DLG5: variants seen among roughly 807,000 people sequenced by gnomAD.
DLG5 encodes disks large homolog 5.
A neutral mutation model predicts 189.8 loss-of-function variants in DLG5; 48 were observed. The ratio of observed to expected loss-of-function variants is 0.25; its 90% CI spans 0.20 to 0.32. The LOEUF is 0.32. DLG5 is among the 10% of genes least tolerant of loss of function. The probability of loss-of-function intolerance (pLI) is 1.00; values close to 1 mark genes in which losing one functional copy is unlikely to be tolerated. For missense variants in DLG5, 2,160 were observed against 2,544.7 expected (o/e 0.85, Z 3.25); for synonymous variants, 1,016 against 1,054.1 (o/e 0.96, Z 0.70).
intron 22 of DLG5, among the ~76,000 whole-genome samples, chr10:77,811,497 G>T (rs1841770501): frequency 6.6e-6 from 1 of 152,060 alleles, no homozygotes; most frequent in Non-Finnish European, 1.5e-5. Context: ...CTTTTCCTCT[G>T]CCTGTGCATC....
At chr10:77,865,203 A>C (rs1171373021) in intron 2 of DLG5, among the ~76,000 whole-genome samples, 2 of 152,176 alleles carry the variant, frequency 1.3e-5, no homozygotes, top group East Asian at 3.9e-4. Flanking sequence ...GGCCGTGTTC[A>C]CCGTGATCCC....
At chr10:77,806,736 C>G in intron 26 of DLG5, 22 bp downstream of exon 26, 3 of 1,591,502 alleles carry the variant, frequency 1.9e-6, no homozygotes, top group Non-Finnish European at 2.6e-6. Context: ...CCCACCCCAC[C>G]CCAGGCCCGG....
chr10:77,819,140 T>A (rs1051588730), intron 17 of DLG5, among the ~76,000 whole-genome samples, 181 bp downstream of exon 17: 3 of 152,198 alleles, frequency 2.0e-5, no homozygotes, highest in African/African-American at 7.2e-5. Context: ...TTTGAAACCT[T>A]GTGCTGATGA....
intron 23 of DLG5, 38 bp from the exon 24 acceptor site, chr10:77,809,768 A>G: frequency 6.3e-7 from 1 of 1,583,908 alleles, no homozygotes; most frequent in Non-Finnish European, 8.6e-7. Context: ...ACTGTGCACA[A>G]AGAGGAGGCA....
Position 77,863,627 on chromosome 10 carries a change from A to G in DLG5, c.373+5502T>C, listed in dbSNP as rs537897835. Among the ~76,000 whole-genome samples, 107 of 152,340 alleles carry G rather than the reference A, an allele frequency of 7.0e-4. 1 individual carries two copies. The highest frequency in any genetic ancestry group is 1.3e-3 in the Non-Finnish European group (90 of 68,028). On this transcript the variant is annotated intron_variant, in intron 2 of 31. Coordinates refer to ENST00000372391, the MANE Select transcript of DLG5 (RefSeq NM_004747.4). ...TTCCAATGCAGTTCTAACCTTGTGC[A>G]GTTGTTCTTCTGGACTCAAATGCAA... is the stretch of plus-strand genomic sequence containing the variant.
intron 7 of DLG5, among the ~76,000 whole-genome samples, chr10:77,838,299 G>C (rs1843247955): frequency 6.6e-6 from 1 of 152,202 alleles, no homozygotes; most frequent in Admixed American, 6.5e-5. Context: ...TTCTGCAACA[G>C]ACAGCAGTGG....
intron 27 of DLG5, among the ~76,000 whole-genome samples, chr10:77,799,050 C>T (rs545260479): frequency 1.8e-4 from 28 of 152,242 alleles, no homozygotes; most frequent in African/African-American, 6.0e-4. Flanking sequence ...CTATGGGGTA[C>T]CAATTTAGGA....
At chr10:77,838,055 C>A (rs1843235800) in intron 7 of DLG5, among the ~76,000 whole-genome samples, 1 of 152,150 alleles carries the variant, frequency 6.6e-6, no homozygotes, top group South Asian at 2.1e-4. Flanking sequence ...GCTTCTCTTG[C>A]TACAACAGCC....
intron 6 of DLG5, 124 bp downstream of exon 6, chr10:77,843,323 T>A (rs1843518140): frequency 1.6e-6 from 2 of 1,264,624 alleles, no homozygotes; most frequent in Non-Finnish European, 2.2e-6. Flanking sequence ...AAAAAAATGT[T>A]TCCTGGTCAG....
At position 77,807,852 on chromosome 10, in the gene DLG5, G is replaced by A. The variant is rs1367935251; in HGVS notation, c.4740C>T (p.Tyr1580=). The A allele has an allele frequency of 1.3e-5, 21 of 1,614,096 alleles. No individual in the cohort carries two copies. Among genetic ancestry groups the A allele is most frequent in the Non-Finnish European group, 1.8e-5 (21 of 1,180,044 alleles). Residue 1580 remains tyrosine, a synonymous_variant, in exon 25 of 32, where the codon TAC becomes TAT. Coordinates refer to ENST00000372391, the MANE Select transcript of DLG5 (RefSeq NM_004747.4). ...PRDGVRLKVQ[Y]RPEEFTKAKG... is the part of the protein sequence containing the mutation. Reference sequence around the variant, plus strand: ...TGGCCTTCGTGAACTCCTCAGGGCGGTACTGCACCTTCAGGCGGACGCCAT... The same window carrying A: ...TGGCCTTCGTGAACTCCTCAGGGCGATACTGCACCTTCAGGCGGACGCCAT...
At position 77,829,362 on chromosome 10, in the gene DLG5, T is replaced by G. The variant is rs767779298; in HGVS notation, c.2178A>C (p.Gly726=). The G allele has an allele frequency of 1.2e-6, 2 of 1,613,816 alleles. No homozygotes were observed. The highest frequency in any genetic ancestry group is 1.7e-6 in the Non-Finnish European group (2 of 1,180,046). ...VVTPLHINLS[G]QKDSGISLEN... ...TGTTCACAGGCCCGCTACCTTTCTG[T>G]CCACTGAGGTTGATGTGCAGCGGCG... The change falls in exon 12 of 32, where the codon GGA becomes GGC. Residue 726 remains glycine (G), a synonymous_variant. Coordinates refer to ENST00000372391, the MANE Select transcript of DLG5 (RefSeq NM_004747.4).
intron 9 of DLG5, among the ~76,000 whole-genome samples, chr10:77,833,240 G>A: frequency 6.6e-6 from 1 of 152,170 alleles, no homozygotes; most frequent in South Asian, 2.1e-4. Flanking sequence ...ACCCTGGGAG[G>A]CTGCTGTAAT....
At chr10:77,935,796 T>C in the DLG5 span, among the ~76,000 whole-genome samples, 1 of 152,106 alleles carries the variant, frequency 6.6e-6, no homozygotes, top group South Asian at 2.1e-4. Context: ...AACACGTGGA[T>C]GTGTGTGAGC....
Position 77,854,342 on chromosome 10 carries a change from C to T in DLG5, c.565G>A (p.Glu189Lys). ...CGCACGCACTGGATCTTCAGCCTCT[C>T]ATAGTCAGGATTCAGCCTGTGGTAG... Reference protein sequence around the residue: ...RPYHRLNPDYERLKIQCVRAM... With the variant: ...RPYHRLNPDYKRLKIQCVRAM... The change falls in exon 4 of 32, where the codon GAG (glutamate) becomes AAG (lysine). Residue 189 changes from glutamate to lysine, a missense_variant. Glu to Lys is a moderately conservative substitution (Grantham distance 56). Coordinates refer to ENST00000372391, the MANE Select transcript of DLG5 (RefSeq NM_004747.4). The T allele has an allele frequency of 6.2e-7, 1 of 1,614,134 alleles. No homozygotes were observed. The highest frequency in any genetic ancestry group is 8.5e-7 in the Non-Finnish European group (1 of 1,180,036).
In DLG5 at chr10:77,834,016, C is replaced by T. The variant is rs758511394; in HGVS notation, c.1646G>A (p.Arg549Gln). The T allele has an allele frequency of 1.1e-5, 17 of 1,609,548 alleles. No individual in the cohort carries two copies. Among genetic ancestry groups the T allele is most frequent in the Middle Eastern group, 1.6e-4 (1 of 6,062 alleles). Reference protein sequence around the residue: ...SIRTLCDNLRRERDRAVSELA... With the variant: ...SIRTLCDNLRQERDRAVSELA... ...CTCGCTCACCGCACGGTCCCGCTCCCGCCTCAGGTTGTCACACAGTGTCCT... is the reference window on the plus strand; with the variant it reads ...CTCGCTCACCGCACGGTCCCGCTCCTGCCTCAGGTTGTCACACAGTGTCCT... The change falls in exon 9 of 32, where the codon CGG (arginine) becomes CAG (glutamine). Residue 549 changes from arginine (R) to glutamine (Q), a missense_variant. This residue lies in a region of DLG5 where 664 missense variants were observed against 838.5 expected (regional missense o/e 0.79). Transcript: ENST00000372391.
intron 20 of DLG5, among the ~76,000 whole-genome samples, chr10:77,814,579 G>GT (rs1400599061): frequency 1.4e-5 from 2 of 142,048 alleles, no homozygotes; most frequent in Non-Finnish European, 1.5e-5. Flanking sequence ...CTACTTTTCT[G>GT]TTTTTTATTT....
At chr10:77,809,889 G>A (rs1193708709) in intron 23 of DLG5, among the ~76,000 whole-genome samples, 159 bp from the exon 24 acceptor site, 2 of 152,106 alleles carry the variant, frequency 1.3e-5, no homozygotes, top group Non-Finnish European at 2.9e-5. Flanking sequence ...CTCGGCGTTC[G>A]GGACAGGATG....
chr10:77,853,670 T>A, intron 4 of DLG5, 133 bp from the exon 5 acceptor site: 1 of 943,744 alleles, frequency 1.1e-6, no homozygotes, highest in South Asian at 2.2e-5. Context: ...CAGGTAGGTC[T>A]GTAGCACTCA....
At chr10:77,870,591 G>A (rs1253618062) in intron 1 of DLG5, among the ~76,000 whole-genome samples, 2 of 152,056 alleles carry the variant, frequency 1.3e-5, no homozygotes, top group Admixed American at 1.3e-4. Flanking sequence ...GTCTGAGGTG[G>A]GAGGATCACC....
Sources: allele counts gnomAD v4.1 joint callset (sites outside exome capture counted in the v4.1 genomes callset), GRCh38; gene constraint gnomAD v4.1.1; regional missense constraint gnomAD v4.1.1; transcripts MANE v1.5; gene names NCBI Gene and HGNC (gene_info 2026-07-23, HGNC 2026-07-21).